TTC28: variants seen among roughly 807,000 people sequenced by gnomAD.
TTC28 encodes tetratricopeptide repeat domain 28.
TTC28 carries 61 observed loss-of-function variants against 198.0 expected under a neutral mutation model. The ratio of observed to expected loss-of-function variants is 0.31; its 90% CI spans 0.25 to 0.38. The LOEUF is 0.38. Ranked by LOEUF, TTC28 falls within the 10% of genes least tolerant of loss-of-function variation. TTC28 has a pLI of 1.00. For missense variants in TTC28, 2,678 were observed against 3,164.0 expected, an observed-to-expected ratio of 0.85 and a Z score of 3.69; for synonymous variants, 1,171 against 1,297.8, an observed-to-expected ratio of 0.90 and a Z score of 2.10.
chr22:28,216,239 T>C (rs1274612933), intron 5 of TTC28, among the ~76,000 whole-genome samples: 2 of 152,178 alleles, frequency 1.3e-5, no homozygotes, highest in African/African-American at 4.8e-5. Flanking sequence ...ATAACTAGTA[T>C]AGTAGCTATC....
At chr22:28,063,028 A>AT (rs530889253) in intron 12 of TTC28, among the ~76,000 whole-genome samples, 49 of 152,084 alleles carry the variant, frequency 3.2e-4, no homozygotes, top group African/African-American at 1.1e-3. Context: ...TCTGAAGAGT[A>AT]TTTTTTTTCA....
At chr22:27,992,847 G>T (rs1200123413) in intron 18 of TTC28, 184 bp from the exon 19 acceptor site, 2 of 640,690 alleles carry the variant, frequency 3.1e-6, no homozygotes, top group East Asian at 5.5e-5. Flanking sequence ...CCAGGAAGGT[G>T]GGTGGAAGTG....
intron 12 of TTC28, chr22:28,056,343 G>C (rs1209492092): frequency 6.6e-6 from 1 of 152,308 alleles, no homozygotes; most frequent in African/African-American, 2.4e-5. Flanking sequence ...GCTGAACTTA[G>C]GGCAGACACC....
chr22:28,002,939 A>T (rs1384679933), intron 14 of TTC28, among the ~76,000 whole-genome samples: 2 of 152,202 alleles, frequency 1.3e-5, no homozygotes, highest in Admixed American at 6.5e-5. Flanking sequence ...GGCCAAGATT[A>T]TACCAGTGTA....
intron 5 of TTC28, among the ~76,000 whole-genome samples, chr22:28,203,112 T>C (rs543603827): frequency 1.3e-5 from 2 of 152,272 alleles, no homozygotes; most frequent in Middle Eastern, 3.4e-3. Flanking sequence ...TCTATGCTTA[T>C]TTGCGCATAT....
At chr22:28,011,268 A>C (rs1938149144) in intron 14 of TTC28, among the ~76,000 whole-genome samples, 1 of 152,196 alleles carries the variant, frequency 6.6e-6, no homozygotes, top group African/African-American at 2.4e-5. Flanking sequence ...TAGCAAATTC[A>C]AGTTTGGCTT....
intron 2 of TTC28, among the ~76,000 whole-genome samples, chr22:28,408,516 G>A (rs372359876): frequency 2.0e-5 from 3 of 152,126 alleles, no homozygotes; most frequent in Admixed American, 6.5e-5. Context: ...TCAGCCTCCC[G>A]AGTAGCTGAG....
chr22:28,474,056 A>T (rs1568966793), intron 2 of TTC28, among the ~76,000 whole-genome samples: 1 of 152,200 alleles, frequency 6.6e-6, no homozygotes. Flanking sequence ...CTGCTAAAAT[A>T]ATTACTACCA....
intron 2 of TTC28, among the ~76,000 whole-genome samples, chr22:28,313,398 G>GAC (rs1351487084): frequency 2.0e-5 from 3 of 152,116 alleles, no homozygotes; most frequent in Admixed American, 6.6e-5. Context: ...GGCTGGCAGA[G>GAC]ACACACACAA....
chr22:28,151,001 A>G (rs1943593931), intron 6 of TTC28, among the ~76,000 whole-genome samples: 1 of 152,250 alleles, frequency 6.6e-6, no homozygotes, highest in Admixed American at 6.5e-5. Context: ...CAGAAGTGTT[A>G]TCAATGCTCA....
rs753610103 is a variant in TTC28, at chr22:28,522,987, T to C, written c.381+106565A>G. Among the ~76,000 whole-genome samples, 8 of 152,120 alleles carry C rather than the reference T, an allele frequency of 5.3e-5. No individual in the cohort carries two copies. The East Asian group carries it at 1.2e-3, about 22-fold the overall frequency. ...GGTGATGCATGCAAAACTCCATGAA[T>C]ACATAAAAAAATCACTGAAGTATGT... On this transcript the variant is annotated intron_variant, in intron 2 of 22. Transcript: ENST00000397906.
chr22:28,094,136 C>T lies in TTC28; in HGVS notation c.3876G>A (p.Leu1292=). 3.2e-6 allele frequency: 5 copies of T among 1,551,616 alleles called. No individual in the cohort carries two copies. The highest frequency in any genetic ancestry group is 3.5e-6 in the Non-Finnish European group (4 of 1,146,942). ...CCCGGACACTGGCAATGTGCTGCTCCAGGGCTGAGCCGGTTGCTGTTGGAA... is the reference window on the plus strand; with the variant it reads ...CCCGGACACTGGCAATGTGCTGCTCTAGGGCTGAGCCGGTTGCTGTTGGAA... ...VTLPTATGSA[L]EQHIASVREA... is the part of the protein sequence containing the mutation. The change falls in exon 12 of 23, where the codon CTG becomes CTA. Residue 1292 remains leucine, a synonymous_variant. Transcript: ENST00000397906.
intron 2 of TTC28, among the ~76,000 whole-genome samples, chr22:28,516,582 G>A (rs1341054588): frequency 5.3e-5 from 8 of 151,472 alleles, no homozygotes; most frequent in African/African-American, 7.3e-5. Context: ...GACACAGGGC[G>A]GGGAACATCA....
intron 5 of TTC28, among the ~76,000 whole-genome samples, chr22:28,271,846 G>A (rs1298729389): frequency 9.2e-5 from 14 of 152,154 alleles, no homozygotes; most frequent in East Asian, 7.8e-4. Flanking sequence ...CTTGTGATCC[G>A]CCCACCTCGG....
chr22:28,449,156 T>A (rs1037081430), intron 2 of TTC28, among the ~76,000 whole-genome samples: 3 of 152,216 alleles, frequency 2.0e-5, no homozygotes, highest in Non-Finnish European at 4.4e-5. Flanking sequence ...TATTCTCTCA[T>A]TAAGTCTAAG....
chr22:28,194,767 C>T (rs1484123451), intron 5 of TTC28, among the ~76,000 whole-genome samples: 1 of 130,760 alleles, frequency 7.6e-6, no homozygotes, highest in Non-Finnish European at 1.6e-5. Flanking sequence ...AGACCAATAA[C>T]AGGCTCTGAA....
Position 27,979,547 on chromosome 22 carries a change from A to G in TTC28, c.*2674T>C, listed in dbSNP as rs1005053818. The G allele has an allele frequency of 2.0e-5, 3 of 152,130 alleles. No individual in the cohort carries two copies. Among genetic ancestry groups the G allele is most frequent in the Admixed American group, 2.0e-4 (3 of 15,274 alleles). 9.4% of individuals were successfully genotyped at this position (152,130 alleles called of 1,614,324 possible). A position where few individuals can be genotyped will look rare whatever the true frequency, so the allele number is the denominator to read the frequency against. On this transcript the variant is annotated 3_prime_UTR_variant, in exon 23 of 23. Transcript: ENST00000397906. ...GTGGGCCAAAGGCAAAATCAAAAAT[A>G]TGATGTAATTACTTATATAACCCTT...
At chr22:28,097,868 C>T (rs1407717155) in intron 10 of TTC28, among the ~76,000 whole-genome samples, 1 of 152,154 alleles carries the variant, frequency 6.6e-6, no homozygotes, top group Non-Finnish European at 1.5e-5. Flanking sequence ...AAAATCGGCC[C>T]CTAGGTGCTA....
intron 2 of TTC28, among the ~76,000 whole-genome samples, chr22:28,344,912 G>A (rs978312171): frequency 2.6e-5 from 4 of 152,080 alleles, no homozygotes; most frequent in Non-Finnish European, 5.9e-5. Flanking sequence ...ATAAATTAAT[G>A]TTCTCAGCCA....
Sources: gnomAD v4.1 joint callset for allele counts (sites outside exome capture counted in the v4.1 genomes callset) on GRCh38, gnomAD v4.1.1 for gene constraint, MANE v1.5 for transcripts, NCBI Gene and HGNC (gene_info 2026-07-23, HGNC 2026-07-21) for gene names.